The following NCKAP1 variants were observed in gnomAD, a reference collection of about 807,000 sequenced individuals.
The protein encoded by NCKAP1 is NCK associated protein 1, also known as nck-associated protein 1.
Under a neutral mutation model 151.2 loss-of-function variants are expected in NCKAP1, and 21 were observed. The ratio of observed to expected loss-of-function variants is 0.14; its 90% CI spans 0.10 to 0.20. The LOEUF (loss-of-function observed/expected upper bound fraction) is 0.20, where lower values mean the gene tolerates loss of function less well. NCKAP1 is among the 10% of genes least tolerant of loss of function. NCKAP1 has a pLI of 1.00. For synonymous variants in NCKAP1, 484 were observed against 451.8 expected, an observed-to-expected ratio of 1.07 and a Z score of -0.90; for missense variants, 933 against 1,352.1, an observed-to-expected ratio of 0.69 and a Z score of 4.86.
intron 2 of NCKAP1, among the ~76,000 whole-genome samples, chr2:183,003,589 A>G (rs1323539387): frequency 6.6e-6 from 1 of 150,378 alleles, no homozygotes; most frequent in African/African-American, 2.5e-5. Context: ...AAGTGTTAGG[A>G]AAAAAAGTAT....
chr2:182,971,612 A>G (rs1697694508), intron 15 of NCKAP1, among the ~76,000 whole-genome samples: 1 of 152,122 alleles, frequency 6.6e-6, no homozygotes, highest in Non-Finnish European at 1.5e-5. Flanking sequence ...CCTGAAAAGT[A>G]CAATCCAAAA....
chr2:182,953,729 C>T (rs1454592879), intron 20 of NCKAP1, among the ~76,000 whole-genome samples: 1 of 151,864 alleles, frequency 6.6e-6, no homozygotes, highest in Non-Finnish European at 1.5e-5. Flanking sequence ...ACCCAGCAGG[C>T]AGAGGTTGCA....
At position 182,910,948 on chromosome 2, in the gene NCKAP1, G is replaced by GCCCCCCCCCCCC; in HGVS notation, c.*14753_*14754insGGGGGGGGGGGG. 1 of 117,888 alleles carries GCCCCCCCCCCCC rather than the reference G, an allele frequency of 8.5e-6. No individual in the cohort carries two copies. Among genetic ancestry groups the GCCCCCCCCCCCC allele is most frequent in the East Asian group, 3.4e-4 (1 of 2,940 alleles). The allele number at this position is 117,888 out of a possible 1,614,324, so 7.3% of individuals were successfully genotyped here. On this transcript the variant is annotated 3_prime_UTR_variant, in exon 31 of 31. Coordinates refer to ENST00000361354, the MANE Select transcript of NCKAP1 (RefSeq NM_013436.5). The stretch of plus-strand genomic sequence containing the variant: ...CTTGGAAATAAAAATAAAATCCTAA[G>GCCCCCCCCCCCC]CTCCCCCCCCACATTTGACTAAACA...
chr2:182,972,881 T>C (rs1441189672), intron 15 of NCKAP1, among the ~76,000 whole-genome samples: 1 of 152,088 alleles, frequency 6.6e-6, no homozygotes, highest in East Asian at 1.9e-4. Flanking sequence ...AGTATGATGG[T>C]TATAAGAAGC....
At chr2:183,022,812 C>T (rs936698841) in intron 2 of NCKAP1, 1 of 152,158 alleles carries the variant, frequency 6.6e-6, no homozygotes, top group Non-Finnish European at 1.5e-5. Context: ...CTTCAATGAA[C>T]ATACATGATT....
chr2:183,008,606 T>C (rs1439464301), intron 2 of NCKAP1, among the ~76,000 whole-genome samples: 1 of 152,184 alleles, frequency 6.6e-6, no homozygotes, highest in Non-Finnish European at 1.5e-5. Context: ...CTTTCTCATG[T>C]CTGGGGTGCT....
chr2:182,971,937 G>T (rs1179484885), intron 15 of NCKAP1, among the ~76,000 whole-genome samples: 3 of 152,114 alleles, frequency 2.0e-5, no homozygotes, highest in Admixed American at 2.0e-4. Flanking sequence ...AGACTTAAAT[G>T]TAAGACCTGA....
chr2:183,026,273 T>A (rs1698895148), intron 1 of NCKAP1, among the ~76,000 whole-genome samples: 1 of 151,932 alleles, frequency 6.6e-6, no homozygotes, highest in Non-Finnish European at 1.5e-5. Flanking sequence ...TACAAAAAAA[T>A]GTTTTAAATT....
At chr2:183,037,940 A>G in intron 1 of NCKAP1, 52 bp downstream of exon 1, 3 of 1,422,030 alleles carry the variant, frequency 2.1e-6, no homozygotes, top group Non-Finnish European at 2.8e-6. Flanking sequence ...CTTGCCCTTC[A>G]TCCCTCCCGG....
intron 8 of NCKAP1, among the ~76,000 whole-genome samples, chr2:182,992,163 GAACA>G (rs1698182059): frequency 6.6e-6 from 1 of 152,140 alleles, no homozygotes. Context: ...AACTAATCCA[GAACA>G]AAGGTCCAAA....
intron 15 of NCKAP1, among the ~76,000 whole-genome samples, chr2:182,971,841 G>C (rs1229311460): frequency 6.6e-6 from 1 of 152,100 alleles, no homozygotes; most frequent in Non-Finnish European, 1.5e-5. Context: ...AAATTGTGCT[G>C]AGAAAACTGG....
At chr2:183,008,304 C>T (rs62190101) in intron 2 of NCKAP1, among the ~76,000 whole-genome samples, 7 of 152,122 alleles carry the variant, frequency 4.6e-5, no homozygotes, top group Non-Finnish European at 1.0e-4. Context: ...TTTAACAGCA[C>T]GTGAAGAATA....
intron 20 of NCKAP1, among the ~76,000 whole-genome samples, chr2:182,955,968 C>T (rs1232727450): frequency 1.3e-5 from 2 of 152,154 alleles, no homozygotes; most frequent in Non-Finnish European, 2.9e-5. Flanking sequence ...CCTGGTGTTA[C>T]TAGTTAATAC....
Position 183,038,187 on chromosome 2 carries a change from C to A in NCKAP1, c.-88G>T, listed in dbSNP as rs1316275887. ...CGCAGCAGCCTCTCTCGGGCCTCCTCCCCTCCCGCCCGCGACCTCCGCCTT... is the reference window on the plus strand; with the variant it reads ...CGCAGCAGCCTCTCTCGGGCCTCCTACCCTCCCGCCCGCGACCTCCGCCTT... On this transcript the variant is annotated 5_prime_UTR_variant, in exon 1 of 31. Coordinates refer to ENST00000361354, the MANE Select transcript of NCKAP1 (RefSeq NM_013436.5). 7 of 890,822 alleles carry A rather than the reference C, an allele frequency of 7.9e-6. No individual in the cohort carries two copies. In the African/African-American group the frequency reaches 1.3e-4, roughly 16 times the overall value. 55.2% of individuals were successfully genotyped at this position (890,822 alleles called of 1,614,324 possible). A position where few individuals can be genotyped will look rare whatever the true frequency, so the allele number is the denominator to read the frequency against.
At chr2:183,000,447 A>G (rs1479429157) in intron 6 of NCKAP1, among the ~76,000 whole-genome samples, 2 of 152,290 alleles carry the variant, frequency 1.3e-5, no homozygotes, top group African/African-American at 4.8e-5. Flanking sequence ...AAGACCATAC[A>G]TGATTAGGGA....
chr2:182,986,341 C>T (rs1698056382), intron 9 of NCKAP1, 114 bp from the exon 10 acceptor site: 1 of 836,160 alleles, frequency 1.2e-6, no homozygotes, highest in Non-Finnish European at 1.9e-6. Context: ...AGAAACTGGC[C>T]ATCAAACTGG....
chr2:182,933,388 C>CT (rs1696804592), intron 26 of NCKAP1, among the ~76,000 whole-genome samples: 1 of 83,930 alleles, frequency 1.2e-5, no homozygotes, highest in Non-Finnish European at 2.1e-5. Flanking sequence ...AGTGGCACCA[C>CT]ATTTTTTTTT....
At chr2:182,993,134 G>C (rs1366624935) in intron 8 of NCKAP1, among the ~76,000 whole-genome samples, 1 of 152,030 alleles carries the variant, frequency 6.6e-6, no homozygotes, top group East Asian at 1.9e-4. Flanking sequence ...TATATAAAAT[G>C]GTGTAGTATT....
intron 15 of NCKAP1, among the ~76,000 whole-genome samples, chr2:182,970,258 T>C (rs1057065266): frequency 6.6e-6 from 1 of 152,206 alleles, no homozygotes; most frequent in Non-Finnish European, 1.5e-5. Flanking sequence ...ATACTCATTC[T>C]ATGAGGCCAG....
Sources: gnomAD v4.1 joint callset for allele counts (sites outside exome capture counted in the v4.1 genomes callset) on GRCh38, gnomAD v4.1.1 for gene constraint, MANE v1.5 for transcripts, NCBI Gene and HGNC (gene_info 2026-07-23, HGNC 2026-07-21) for gene names.